The following NR3C2 variants were observed in gnomAD, a reference collection of about 807,000 sequenced individuals.
NR3C2 encodes mineralocorticoid receptor.
A neutral mutation model predicts 86.4 loss-of-function variants in NR3C2; 15 were observed. That is an observed-to-expected ratio of 0.17 (90% CI 0.12 to 0.27). The LOEUF (loss-of-function observed/expected upper bound fraction) is 0.27, where lower values mean the gene tolerates loss of function less well. Ranked by LOEUF, NR3C2 falls within the 10% of genes least tolerant of loss-of-function variation. NR3C2 has a pLI of 1.00. For synonymous variants in NR3C2, 458 were observed against 450.5 expected (o/e 1.02, Z -0.21); for missense variants, 960 against 1,195.6 (o/e 0.80, Z 2.91).
chr4:148,235,152 A>G (rs961752894), intron 3 of NR3C2, among the ~76,000 whole-genome samples: 4 of 151,996 alleles, frequency 2.6e-5, no homozygotes, highest in Admixed American at 2.6e-4. Context: ...TAAAAAGTGC[A>G]TTGTAAACAC....
chr4:148,152,852 A>T (rs1279041749), intron 5 of NR3C2, among the ~76,000 whole-genome samples: 1 of 152,216 alleles, frequency 6.6e-6, no homozygotes, highest in Admixed American at 6.5e-5. Flanking sequence ...GCAAACTAAA[A>T]TTGCAAAGTT....
chr4:148,419,440 C>A (rs773377285), intron 2 of NR3C2, among the ~76,000 whole-genome samples: 12 of 152,050 alleles, frequency 7.9e-5, no homozygotes, highest in Non-Finnish European at 2.9e-5. Context: ...AGTAATTCTC[C>A]CATATTCAGA....
intron 2 of NR3C2, among the ~76,000 whole-genome samples, chr4:148,369,090 T>G (rs950214682): frequency 1.3e-5 from 2 of 152,166 alleles, no homozygotes; most frequent in African/African-American, 4.8e-5. Flanking sequence ...TGGGAAGAAG[T>G]GGGGCTGGGG....
intron 6 of NR3C2, among the ~76,000 whole-genome samples, chr4:148,149,676 A>G (rs1254634165): frequency 2.0e-5 from 3 of 152,242 alleles, no homozygotes; most frequent in Non-Finnish European, 2.9e-5. Context: ...TTTAATATCC[A>G]TAATATATAA....
At chr4:148,375,672 C>A (rs995402694) in intron 2 of NR3C2, among the ~76,000 whole-genome samples, 1 of 151,916 alleles carries the variant, frequency 6.6e-6, no homozygotes, top group African/African-American at 2.4e-5. Flanking sequence ...GCAAATAATT[C>A]TTTCAAAAAA....
chr4:148,320,301 C>T (rs1052706337), intron 2 of NR3C2, among the ~76,000 whole-genome samples: 2 of 84,758 alleles, frequency 2.4e-5, no homozygotes, highest in African/African-American at 5.8e-5. Flanking sequence ...AGTATTTTTG[C>T]ATCAATGTTC....
chr4:148,095,590 G>C (rs1321667436), intron 8 of NR3C2, among the ~76,000 whole-genome samples: 1 of 152,190 alleles, frequency 6.6e-6, no homozygotes, highest in Non-Finnish European at 1.5e-5. Flanking sequence ...AAGTTTGTCA[G>C]TGAGCATGCT....
Position 148,290,560 on chromosome 4 carries a change from T to C in NR3C2, c.1758-30443A>G, listed in dbSNP as rs566791019. ...GGTAAAACCGTTAATCACATTCACT[T>C]TCTGGGCCCAGGAAAAAACAACTTT... On this transcript the variant is annotated intron_variant, in intron 2 of 8. Coordinates refer to ENST00000358102, the MANE Select transcript of NR3C2 (RefSeq NM_000901.5). Among the ~76,000 whole-genome samples, 58 of 152,286 alleles carry C rather than the reference T, an allele frequency of 3.8e-4. 1 individual carries two copies. The highest frequency in any genetic ancestry group is 6.0e-4 in the Non-Finnish European group (41 of 68,010).
intron 3 of NR3C2, among the ~76,000 whole-genome samples, chr4:148,237,592 T>C (rs868397769): frequency 6.6e-6 from 1 of 151,642 alleles, no homozygotes; most frequent in African/African-American, 2.4e-5. Context: ...TATGAACTTA[T>C]TAGTCCAACT....
chr4:148,350,030 T>C lies in NR3C2; in HGVS notation c.1757+85074A>G, dbSNP rs1288351052. Among the ~76,000 whole-genome samples, 6 of 152,224 alleles carry C rather than the reference T, an allele frequency of 3.9e-5. No individual in the cohort carries two copies. The East Asian group carries it at 1.2e-3, about 29-fold the overall frequency. On this transcript the variant is annotated intron_variant, in intron 2 of 8. Coordinates refer to ENST00000358102, the MANE Select transcript of NR3C2 (RefSeq NM_000901.5). ...AGTTTTCTTTTCTGAAAGTACCTTA[T>C]TATAAATAAAAACAAATGGTGCTTA...
At chr4:148,117,145 T>C (rs566570590) in intron 7 of NR3C2, among the ~76,000 whole-genome samples, 1 of 152,168 alleles carries the variant, frequency 6.6e-6, no homozygotes, top group African/African-American at 2.4e-5. Context: ...CAGCGGGAGA[T>C]GGGGCTGGGT....
chr4:148,203,064 T>C (rs1736810248), intron 3 of NR3C2, among the ~76,000 whole-genome samples: 1 of 152,250 alleles, frequency 6.6e-6, no homozygotes, highest in Admixed American at 6.5e-5. Flanking sequence ...AGATACAAAG[T>C]ATTTAAATAA....
chr4:148,261,442 C>T (rs35111299), intron 2 of NR3C2, among the ~76,000 whole-genome samples: 25,683 of 145,492 alleles, frequency 0.18, 2,974 homozygotes, highest in East Asian at 0.48. Context: ...TGGTGCGCTA[C>T]GGTCAGTGCT....
chr4:148,399,683 G>GAC (rs3045291), intron 2 of NR3C2, among the ~76,000 whole-genome samples: 3,444 of 150,626 alleles, frequency 0.023, 125 homozygotes, highest in African/African-American at 0.078. Context: ...TATATATACA[G>GAC]ACACACACAC....
intron 3 of NR3C2, among the ~76,000 whole-genome samples, chr4:148,216,523 G>A (rs1253675409): frequency 6.6e-6 from 1 of 152,110 alleles, no homozygotes; most frequent in Non-Finnish European, 1.5e-5. Flanking sequence ...ACAGGCTCTG[G>A]CACCCTTGCT....
chr4:148,099,800 C>G (rs146486288), intron 8 of NR3C2, among the ~76,000 whole-genome samples: 1 of 152,260 alleles, frequency 6.6e-6, no homozygotes, highest in East Asian at 1.9e-4. Flanking sequence ...TATTTCAGAT[C>G]AGGAAAAGAT....
chr4:148,189,480 C>T (rs1160099541), intron 4 of NR3C2, among the ~76,000 whole-genome samples: 5 of 152,056 alleles, frequency 3.3e-5, no homozygotes, highest in Non-Finnish European at 5.9e-5. Flanking sequence ...TGTGCATCGG[C>T]GATATCAGTC....
At position 148,120,769 on chromosome 4, in the gene NR3C2, T is replaced by C. The variant is rs184696195; in HGVS notation, c.2511-481A>G. ...CCATGGGCCTTCCTTACAGAGGTCA[T>C]GGAGCATGTTATTAACTATTTACAG... On this transcript the variant is annotated intron_variant, in intron 6 of 8. Transcript: ENST00000358102. Among the ~76,000 whole-genome samples the C allele has an allele frequency of 5.9e-5, 9 of 152,324 alleles. No individual in the cohort carries two copies. The East Asian group carries it at 1.5e-3, about 26-fold the overall frequency.
chr4:148,083,787 C>T (rs760749514), intron 8 of NR3C2, among the ~76,000 whole-genome samples: 7 of 152,050 alleles, frequency 4.6e-5, no homozygotes, highest in East Asian at 1.9e-4. Context: ...TGAAAAAAGA[C>T]GAATTGTTAA....
Sources: gnomAD v4.1 joint callset for allele counts (sites outside exome capture counted in the v4.1 genomes callset) on GRCh38, gnomAD v4.1.1 for gene constraint, MANE v1.5 for transcripts, NCBI Gene and HGNC (gene_info 2026-07-23, HGNC 2026-07-21) for gene names.